MAGI3: variants seen among roughly 807,000 people sequenced by gnomAD.
The protein encoded by MAGI3 is membrane-associated guanylate kinase, WW and PDZ domain-containing protein 3.
Under a neutral mutation model 121.8 loss-of-function variants are expected in MAGI3, and 43 were observed. The observed-to-expected ratio is 0.35, with a 90% CI of 0.28 to 0.46. MAGI3 has a LOEUF of 0.46. Ranked by LOEUF, MAGI3 falls within the 20% of genes least tolerant of loss-of-function variation. The pLI, the probability that MAGI3 is intolerant of heterozygous loss-of-function variation, is 1.00. For missense variants in MAGI3, 1,547 were observed against 1,797.3 expected (o/e 0.86, Z 2.52); for synonymous variants, 553 against 639.3 (o/e 0.86, Z 2.04).
At chr1:113,671,438 A>G (rs569278809) in intron 16 of MAGI3, among the ~76,000 whole-genome samples, 6 of 152,326 alleles carry the variant, frequency 3.9e-5, no homozygotes, top group African/African-American at 1.4e-4. Flanking sequence ...TCTGTCTTCT[A>G]GATAAATATT....
chr1:113,618,387 G>T, intron 7 of MAGI3: 1 of 312,550 alleles, frequency 3.2e-6, no homozygotes, highest in Non-Finnish European at 6.2e-6. Context: ...TGTTCAACTT[G>T]TGTGACTATT....
intron 1 of MAGI3, among the ~76,000 whole-genome samples, chr1:113,416,409 ATAAT>A (rs1487207179): frequency 4.2e-5 from 4 of 96,020 alleles, no homozygotes; most frequent in African/African-American, 1.4e-4. Flanking sequence ...TAATTAATTA[ATAAT>A]TAATAATTAA....
Position 113,411,581 on chromosome 1 carries a change from G to A in MAGI3, c.316+20232G>A, listed in dbSNP as rs781416907. The stretch of plus-strand genomic sequence containing the variant: ...CTAGAAATGATATGTTTTAAGTCAC[G>A]ATGATTATTAAAAAACTGCTGAATT... On this transcript the variant is annotated intron_variant, in intron 1 of 20. Transcript: ENST00000307546. Among the ~76,000 whole-genome samples the A allele has an allele frequency of 4.0e-5, 6 of 151,872 alleles. 1 individual carries two copies. The South Asian group carries it at 8.3e-4, about 21-fold the overall frequency.
intron 19 of MAGI3, among the ~76,000 whole-genome samples, chr1:113,676,574 CT>C: frequency 6.6e-6 from 1 of 152,290 alleles, no homozygotes; most frequent in Non-Finnish European, 1.5e-5. Context: ...AGAGAAGTCA[CT>C]TTTTGGGCTA....
intron 1 of MAGI3, among the ~76,000 whole-genome samples, chr1:113,504,428 A>G (rs1217417981): frequency 6.6e-6 from 1 of 152,124 alleles, no homozygotes; most frequent in Non-Finnish European, 1.5e-5. Context: ...TGGAAGATCA[A>G]ATTTAGATGG....
At chr1:113,491,437 G>C (rs1376947300) in intron 1 of MAGI3, among the ~76,000 whole-genome samples, 1 of 152,050 alleles carries the variant, frequency 6.6e-6, no homozygotes, top group African/African-American at 2.4e-5. Flanking sequence ...AAAGGTCTCA[G>C]CTTGACAACC....
At chr1:113,521,856 C>T (rs1238312471) in intron 1 of MAGI3, among the ~76,000 whole-genome samples, 1 of 152,114 alleles carries the variant, frequency 6.6e-6, no homozygotes, top group South Asian at 2.1e-4. Context: ...TCTGAAATAA[C>T]TGAATTATTA....
intron 4 of MAGI3, among the ~76,000 whole-genome samples, chr1:113,587,127 T>C (rs1648411180): frequency 6.6e-6 from 1 of 152,188 alleles, no homozygotes; most frequent in South Asian, 2.1e-4. Context: ...GTATGAACTG[T>C]AGTTGTTAGT....
intron 2 of MAGI3, among the ~76,000 whole-genome samples, chr1:113,579,870 A>T (rs562824258): frequency 5.9e-5 from 9 of 152,090 alleles, no homozygotes; most frequent in Admixed American, 5.9e-4. Context: ...TTCTTGTCCT[A>T]GACTTGCAAC....
intron 16 of MAGI3, 23 bp from the exon 17 acceptor site, chr1:113,671,711 C>A (rs1647561447): frequency 6.2e-7 from 1 of 1,609,002 alleles, no homozygotes; most frequent in Non-Finnish European, 8.5e-7. Flanking sequence ...ATTCTTATTT[C>A]TATTGTTTTC....
intron 1 of MAGI3, among the ~76,000 whole-genome samples, chr1:113,509,883 G>A (rs1229658832): frequency 6.7e-6 from 1 of 149,126 alleles, no homozygotes; most frequent in Non-Finnish European, 1.5e-5. Flanking sequence ...AGCCTGGCCT[G>A]TCTCGCGGTG....
chr1:113,583,634 C>T (rs577838659), intron 3 of MAGI3, among the ~76,000 whole-genome samples: 1 of 152,130 alleles, frequency 6.6e-6, no homozygotes, highest in East Asian at 1.9e-4. Context: ...AATAGAGACC[C>T]TCGAACCTCC....
chr1:113,612,440 T>A (rs1167171019), intron 6 of MAGI3, among the ~76,000 whole-genome samples: 1 of 149,870 alleles, frequency 6.7e-6, no homozygotes, highest in Non-Finnish European at 1.5e-5. Context: ...TGCATAAGGA[T>A]GATGGGGAGA....
chr1:113,582,399 C>A (rs1205939035), intron 3 of MAGI3, among the ~76,000 whole-genome samples: 2 of 151,972 alleles, frequency 1.3e-5, no homozygotes, highest in Non-Finnish European at 2.9e-5. Context: ...GAATGAATAA[C>A]ATACATTTTA....
rs370273052 is a variant in MAGI3 at position 113,531,400 on chromosome 1, A to ATAGAGG, written c.317-18115_317-18114insTAGAGG. Among the ~76,000 whole-genome samples, 508 of 152,140 alleles carry ATAGAGG rather than the reference A, an allele frequency of 3.3e-3. 2 individuals are homozygous for ATAGAGG. The highest frequency in any genetic ancestry group is 0.012 in the African/African-American group (487 of 41,516). On this transcript the variant is annotated intron_variant, in intron 1 of 20. Coordinates refer to ENST00000307546, the MANE Select transcript of MAGI3 (RefSeq NM_001142782.2). ...TTTTTAAGTTCTCTATGTAGAATGC[A>ATAGAGG]CCCCCTTGTTGTGGGCCTCAAGGGT... is the stretch of plus-strand genomic sequence containing the variant.
In MAGI3 at chr1:113,594,470, T is replaced by C. The variant is rs1030884330; in HGVS notation, c.939-11T>C. The C allele has an allele frequency of 6.2e-7, 1 of 1,601,486 alleles. No homozygotes were observed. Among genetic ancestry groups the C allele is most frequent in the South Asian group, 1.1e-5 (1 of 88,562 alleles). ...ATTTTACTGTTTCTAATTAAAATCT[T>C]TATTCTACAGCCACAATACCAAGAC... On this transcript the variant is annotated splice_polypyrimidine_tract_variant and intron_variant, in intron 5 of 20. Coordinates refer to ENST00000307546, the MANE Select transcript of MAGI3 (RefSeq NM_001142782.2).
chr1:113,428,930 T>A (rs1269275703), intron 1 of MAGI3, among the ~76,000 whole-genome samples: 2 of 152,256 alleles, frequency 1.3e-5, no homozygotes, highest in African/African-American at 2.4e-5. Flanking sequence ...ATTTAAACAT[T>A]ACAAATTCAG....
Position 113,580,674 on chromosome 1 carries a change from A to G in MAGI3, c.553+13A>G, listed in dbSNP as rs200967511. On this transcript the variant is annotated intron_variant, in intron 3 of 20. Transcript: ENST00000307546. ...GGGACATATGATGGTATGTCCCCAA[A>G]TAACATCACTACCACCCAAAAAACT... 1.6e-4 allele frequency: 261 copies of G among 1,593,450 alleles called. 3 individuals are homozygous for G. Among genetic ancestry groups the G allele is most frequent in the South Asian group, 1.3e-3 (117 of 87,122 alleles).
chr1:113,641,701 A>G (rs1213906985), intron 9 of MAGI3, among the ~76,000 whole-genome samples: 1 of 151,944 alleles, frequency 6.6e-6, no homozygotes, highest in Non-Finnish European at 1.5e-5. Context: ...TGCTACTGAA[A>G]TAAGTAGGAT....
Sources: gnomAD v4.1 joint callset for allele counts (sites outside exome capture counted in the v4.1 genomes callset) on GRCh38, gnomAD v4.1.1 for gene constraint, MANE v1.5 for transcripts, NCBI Gene and HGNC (gene_info 2026-07-23, HGNC 2026-07-21) for gene names.